DOCK4: variants seen among roughly 807,000 people sequenced by gnomAD.
DOCK4 encodes the protein dedicator of cytokinesis 4, also known as dedicator of cytokinesis protein 4.
A neutral mutation model predicts 268.1 loss-of-function variants in DOCK4; 97 were observed. The ratio of observed to expected loss-of-function variants is 0.36; its 90% CI spans 0.31 to 0.43. The LOEUF (loss-of-function observed/expected upper bound fraction) is 0.43, where lower values mean the gene tolerates loss of function less well. Ranked by LOEUF, DOCK4 falls within the 20% of genes least tolerant of loss-of-function variation. The pLI is 1.00. For synonymous variants in DOCK4, 954 were observed against 887.2 expected, an observed-to-expected ratio of 1.08 and a Z score of -1.34; for missense variants, 2,145 against 2,455.7, an observed-to-expected ratio of 0.87 and a Z score of 2.67.
chr7:111,946,783 T>C (rs533158135), intron 8 of DOCK4, among the ~76,000 whole-genome samples: 5 of 152,260 alleles, frequency 3.3e-5, no homozygotes, highest in Admixed American at 6.5e-5. Flanking sequence ...CATTTCACCA[T>C]GTTGGCCAGG....
chr7:112,185,795 A>G (rs1819451159), intron 1 of DOCK4, among the ~76,000 whole-genome samples: 1 of 152,170 alleles, frequency 6.6e-6, no homozygotes, highest in African/African-American at 2.4e-5. Context: ...TCCCACACCA[A>G]TGAATGCACA....
At chr7:112,157,732 G>A (rs1377351990) in intron 1 of DOCK4, among the ~76,000 whole-genome samples, 1 of 152,150 alleles carries the variant, frequency 6.6e-6, no homozygotes, top group African/African-American at 2.4e-5. Context: ...AGTGTGGCAT[G>A]ACTTCCGCTA....
intron 13 of DOCK4, among the ~76,000 whole-genome samples, chr7:111,904,960 C>T (rs1187106471): frequency 6.6e-6 from 1 of 152,300 alleles, no homozygotes; most frequent in South Asian, 2.1e-4. Context: ...CCCTGTAACC[C>T]CATTATCTTT....
chr7:111,859,407 T>G (rs1430368147), intron 23 of DOCK4, among the ~76,000 whole-genome samples: 2 of 152,120 alleles, frequency 1.3e-5, no homozygotes, highest in Non-Finnish European at 2.9e-5. Context: ...TTGTTTTATG[T>G]TTATAATAAA....
intron 15 of DOCK4, among the ~76,000 whole-genome samples, chr7:111,896,737 G>C (rs1326462112): frequency 6.6e-6 from 1 of 152,080 alleles, no homozygotes; most frequent in African/African-American, 2.4e-5. Flanking sequence ...AAGAAGGTTA[G>C]CAACACAGCA....
At chr7:112,074,124 A>G (rs1328554209) in intron 1 of DOCK4, among the ~76,000 whole-genome samples, 1 of 152,222 alleles carries the variant, frequency 6.6e-6, no homozygotes, top group African/African-American at 2.4e-5. Context: ...TTACTTTCAC[A>G]TAAATGACTT....
At chr7:111,994,359 G>C (rs1372424491) in intron 4 of DOCK4, 128 bp from the exon 5 acceptor site, 1 of 545,976 alleles carries the variant, frequency 1.8e-6, no homozygotes, top group Non-Finnish European at 3.2e-6. Flanking sequence ...CAGTAACCAG[G>C]ATCTGGTTAT....
intron 1 of DOCK4, among the ~76,000 whole-genome samples, chr7:112,123,361 G>A (rs954092548): frequency 1.6e-4 from 24 of 152,282 alleles, no homozygotes; most frequent in African/African-American, 4.8e-4. Flanking sequence ...TCAAAGTGCC[G>A]TATTTGGGGA....
At chr7:111,891,833 G>A (rs1808312558) in intron 16 of DOCK4, among the ~76,000 whole-genome samples, 1 of 152,098 alleles carries the variant, frequency 6.6e-6, no homozygotes, top group Non-Finnish European at 1.5e-5. Flanking sequence ...ACTTATTCAT[G>A]CTTTTATTTT....
intron 1 of DOCK4, among the ~76,000 whole-genome samples, chr7:112,019,374 T>A (rs1312739271): frequency 6.6e-6 from 1 of 152,218 alleles, no homozygotes; most frequent in Admixed American, 6.5e-5. Context: ...AATTAAAAAC[T>A]ATCTTATTTT....
At chr7:112,074,422 C>T (rs1462047575) in intron 1 of DOCK4, among the ~76,000 whole-genome samples, 1 of 152,174 alleles carries the variant, frequency 6.6e-6, no homozygotes, top group Non-Finnish European at 1.5e-5. Flanking sequence ...TCTTCTGTGT[C>T]GGTTATTAAA....
intron 1 of DOCK4, among the ~76,000 whole-genome samples, chr7:112,144,949 T>C (rs1285353112): frequency 2.6e-5 from 4 of 152,206 alleles, no homozygotes; most frequent in African/African-American, 9.6e-5. Context: ...CACTGGGTTA[T>C]GAAACACTCT....
chr7:111,962,709 T>C (rs1797023582), intron 8 of DOCK4, among the ~76,000 whole-genome samples: 1 of 152,200 alleles, frequency 6.6e-6, no homozygotes, highest in African/African-American at 2.4e-5. Flanking sequence ...AATGGAATGA[T>C]ATATCAAATA....
chr7:111,854,974 G>A (rs1804882500), intron 23 of DOCK4, among the ~76,000 whole-genome samples: 2 of 152,344 alleles, frequency 1.3e-5, no homozygotes, highest in Non-Finnish European at 2.9e-5. Flanking sequence ...AATTGAGTGG[G>A]TGGGGCACCA....
At chr7:111,732,031 G>T (rs1308264184) in intron 52 of DOCK4, among the ~76,000 whole-genome samples, 195 bp downstream of exon 52, 1 of 152,194 alleles carries the variant, frequency 6.6e-6, no homozygotes, top group African/African-American at 2.4e-5. Context: ...AAAACAAATG[G>T]CTGCGTTTGT....
chr7:112,151,648 G>A (rs1205561331), intron 1 of DOCK4, among the ~76,000 whole-genome samples: 1 of 151,820 alleles, frequency 6.6e-6, no homozygotes, highest in East Asian at 1.9e-4. Flanking sequence ...CAAACATGAA[G>A]TTCTGCTATT....
chr7:112,101,652 CTG>C (rs1810685779), intron 1 of DOCK4, among the ~76,000 whole-genome samples: 2 of 152,200 alleles, frequency 1.3e-5, no homozygotes, highest in South Asian at 4.1e-4. Flanking sequence ...CCAACCATAA[CTG>C]TTTTATCTCT....
intron 1 of DOCK4, chr7:112,023,794 T>TTG (rs1802543407): frequency 4.0e-6 from 1 of 252,644 alleles, no homozygotes; most frequent in African/African-American, 2.2e-5. Context: ...TATCAATTAA[T>TTG]TGTATGTCTT....
intron 23 of DOCK4, among the ~76,000 whole-genome samples, chr7:111,858,220 T>C (rs1805173455): frequency 6.6e-6 from 1 of 152,212 alleles, no homozygotes; most frequent in Non-Finnish European, 1.5e-5. Context: ...TCCTTCTTTC[T>C]GTCTTCTCTA....
Sources: allele counts gnomAD v4.1 joint callset (sites outside exome capture counted in the v4.1 genomes callset), GRCh38; gene constraint gnomAD v4.1.1; transcripts MANE v1.5; gene names NCBI Gene and HGNC (gene_info 2026-07-23, HGNC 2026-07-21).